Variants in RB1 observed in about 807,000 individuals in gnomAD.
The protein encoded by RB1 is retinoblastoma-associated protein.
A neutral mutation model predicts 135.4 loss-of-function variants in RB1; 18 were observed. The ratio of observed to expected loss-of-function variants is 0.13; its 90% CI spans 0.09 to 0.20. RB1 has a LOEUF of 0.20. Ranked by LOEUF, RB1 falls within the 10% of genes least tolerant of loss-of-function variation. The pLI is 1.00. For synonymous variants in RB1, 365 were observed against 373.2 expected, an observed-to-expected ratio of 0.98 and a Z score of 0.25; for missense variants, 868 against 1,110.0, an observed-to-expected ratio of 0.78 and a Z score of 3.10.
intron 17 of RB1, among the ~76,000 whole-genome samples, chr13:48,413,906 T>C (rs1471141232): frequency 6.6e-6 from 1 of 152,132 alleles, no homozygotes; most frequent in Non-Finnish European, 1.5e-5. Context: ...TTGGCAAAAT[T>C]TTAGGTTCAT....
intron 12 of RB1, among the ~76,000 whole-genome samples, chr13:48,376,014 AATTATATAAT>A (rs1952818271): frequency 6.6e-6 from 1 of 151,822 alleles, no homozygotes; most frequent in Non-Finnish European, 1.5e-5. Flanking sequence ...TCATAATATG[AATTATATAAT>A]ATTATATAAT....
intron 11 of RB1, among the ~76,000 whole-genome samples, chr13:48,372,220 A>T (rs776870959): frequency 7.9e-5 from 12 of 152,236 alleles, no homozygotes; most frequent in Non-Finnish European, 1.8e-4. Flanking sequence ...TTTCTCTAAC[A>T]GTGTCAAATG....
intron 23 of RB1, among the ~76,000 whole-genome samples, chr13:48,466,781 T>C (rs1325332057): frequency 1.2e-5 from 1 of 83,522 alleles, no homozygotes; most frequent in Non-Finnish European, 2.6e-5. Context: ...CAGGAGCCAA[T>C]GCGATCAACT....
Position 48,447,105 on chromosome 13 carries a change from A to G in RB1, c.1696-5888A>G, listed in dbSNP as rs548876257. Among the ~76,000 whole-genome samples, 16 of 152,348 alleles carry G rather than the reference A, an allele frequency of 1.1e-4. No individual in the cohort carries two copies. The South Asian group carries it at 2.7e-3, about 26-fold the overall frequency. On this transcript the variant is annotated intron_variant, in intron 17 of 26. Transcript: ENST00000267163. ...AATATATTTTGAATTTAGAGCCAAT[A>G]TGACTTGCCTGGTGTCTTGGATAAG...
intron 17 of RB1, among the ~76,000 whole-genome samples, chr13:48,396,698 G>A (rs1452125762): frequency 6.6e-6 from 1 of 152,212 alleles, no homozygotes; most frequent in Non-Finnish European, 1.5e-5. Flanking sequence ...ACTATCTTCA[G>A]AGTGAACAGG....
At chr13:48,318,937 C>G in intron 2 of RB1, 1 of 1,045,406 alleles carries the variant, frequency 9.6e-7, no homozygotes, top group Non-Finnish European at 1.5e-6. Flanking sequence ...AGCGGGAAGG[C>G]ACGTTCAGGG....
At chr13:48,335,251 T>C (rs1593430062) in intron 2 of RB1, among the ~76,000 whole-genome samples, 1 of 152,292 alleles carries the variant, frequency 6.6e-6, no homozygotes, top group Non-Finnish European at 1.5e-5. Context: ...TATTCTATGA[T>C]ATAGCTCTAT....
At chr13:48,331,796 A>G (rs1450976039) in intron 2 of RB1, among the ~76,000 whole-genome samples, 1 of 152,206 alleles carries the variant, frequency 6.6e-6, no homozygotes, top group Non-Finnish European at 1.5e-5. Flanking sequence ...ATACACTCCC[A>G]TGTTCATTGC....
chr13:48,315,200 A>G (rs1406890693), intron 2 of RB1, among the ~76,000 whole-genome samples: 1 of 152,080 alleles, frequency 6.6e-6, no homozygotes, highest in Non-Finnish European at 1.5e-5. Context: ...TGTTCGTGTC[A>G]TCTCTGATTT....
At chr13:48,348,642 C>T (rs1475466441) in intron 5 of RB1, among the ~76,000 whole-genome samples, 1 of 150,246 alleles carries the variant, frequency 6.7e-6, no homozygotes, top group East Asian at 1.9e-4. Flanking sequence ...ATTTCTTTTA[C>T]AAAATTTTTC....
Position 48,303,865 on chromosome 13 carries a change from C to G in RB1, c.-48C>G, listed in dbSNP as rs574811824. The G allele has an allele frequency of 6.0e-6, 9 of 1,506,440 alleles. No homozygotes were observed. Among genetic ancestry groups the G allele is most frequent in the South Asian group, 1.2e-5 (1 of 81,362 alleles). 93.3% of individuals were successfully genotyped at this position (1,506,440 alleles called of 1,614,324 possible). A position where few individuals can be genotyped will look rare whatever the true frequency, so the allele number is the denominator to read the frequency against. ...CCCCGACGTGCGCGCGCGTCGTCCT[C>G]CCCGGCGCTCCTCCACAGCTCGCTG... On this transcript the variant is annotated 5_prime_UTR_variant, in exon 1 of 27. Coordinates refer to ENST00000267163, the MANE Select transcript of RB1 (RefSeq NM_000321.3).
At chr13:48,325,860 G>A (rs898712025) in intron 2 of RB1, among the ~76,000 whole-genome samples, 2 of 151,186 alleles carry the variant, frequency 1.3e-5, no homozygotes, top group African/African-American at 2.4e-5. Context: ...ATTCCTAGAA[G>A]TAGAACTGCT....
At chr13:48,416,455 C>A (rs1027877367) in intron 17 of RB1, 5 of 152,490 alleles carry the variant, frequency 3.3e-5, no homozygotes, top group African/African-American at 1.2e-4. Context: ...GCAATTCCCT[C>A]GGGTGCCTAC....
rs2138354621 is a variant in RB1, at chr13:48,473,367, G to A, written c.2497G>A (p.Val833Ile). 1 of 1,571,698 alleles carries A rather than the reference G, an allele frequency of 6.4e-7. No homozygotes were observed. The highest frequency in any genetic ancestry group is 1.1e-5 in the South Asian group (1 of 90,204). Residue 833 changes from valine to isoleucine, a missense_variant, in exon 24 of 27, where the codon GTA (valine) becomes ATA (isoleucine). Transcript: ENST00000267163. ...TKMTPRSRIL[V>I]SIGESFGTSE... ...TTCATCTTAACTTGACAGAATCTTA[G>A]TATCAATTGGTGAATCATTCGGGGT... is the stretch of plus-strand genomic sequence containing the variant.
At chr13:48,376,816 A>G (rs1952829471) in intron 12 of RB1, 102 bp from the exon 13 acceptor site, 1 of 1,565,182 alleles carries the variant, frequency 6.4e-7, no homozygotes, top group Non-Finnish European at 8.7e-7. Flanking sequence ...GTGTTTCCAC[A>G]TTTTTATGAA....
chr13:48,433,123 T>C (rs1949146933), intron 17 of RB1, among the ~76,000 whole-genome samples: 1 of 152,148 alleles, frequency 6.6e-6, no homozygotes, highest in Non-Finnish European at 1.5e-5. Context: ...AATAAATTAA[T>C]TTCTGATATG....
intron 17 of RB1, among the ~76,000 whole-genome samples, chr13:48,422,356 G>C (rs557124337): frequency 1.3e-5 from 2 of 152,230 alleles, no homozygotes; most frequent in Non-Finnish European, 2.9e-5. Context: ...ATCACACATC[G>C]GGGCCTGTCG....
intron 17 of RB1, among the ~76,000 whole-genome samples, chr13:48,392,945 G>C (rs1009811830): frequency 2.0e-5 from 3 of 152,128 alleles, no homozygotes; most frequent in East Asian, 1.9e-4. Flanking sequence ...CTTTTTTAAG[G>C]CTTCATTTAT....
At chr13:48,352,445 G>A (rs546397856) in intron 6 of RB1, among the ~76,000 whole-genome samples, 1 of 151,948 alleles carries the variant, frequency 6.6e-6, no homozygotes, top group Non-Finnish European at 1.5e-5. Context: ...ATTTTTTTGG[G>A]GCAGTATGGC....
Sources: gnomAD v4.1 joint callset for allele counts (sites outside exome capture counted in the v4.1 genomes callset) on GRCh38, gnomAD v4.1.1 for gene constraint, MANE v1.5 for transcripts, NCBI Gene and HGNC (gene_info 2026-07-23, HGNC 2026-07-21) for gene names.